The following PCBP3 variants were observed in gnomAD, a reference collection of about 807,000 sequenced individuals.
The protein encoded by PCBP3 is poly(rC)-binding protein 3.
A neutral mutation model predicts 52.7 loss-of-function variants in PCBP3; 25 were observed. The observed-to-expected ratio is 0.47, with a 90% CI of 0.35 to 0.66. PCBP3 has a LOEUF of 0.66. Ranked by LOEUF, PCBP3 falls within the 30% of genes least tolerant of loss-of-function variation. The probability of loss-of-function intolerance (pLI) is 0.01; values close to 1 mark genes in which losing one functional copy is unlikely to be tolerated. For synonymous variants in PCBP3, 162 were observed against 183.0 expected (o/e 0.89, Z 0.93); for missense variants, 391 against 490.3 (o/e 0.80, Z 1.91).
Position 45,741,344 on chromosome 21 carries a change from C to G in PCBP3, c.-162+5915C>G, listed in dbSNP as rs1025376667. On this transcript the variant is annotated intron_variant, in intron 3 of 17. Transcript: ENST00000681687. The surrounding 1 kb of genome is among the most constrained non-coding windows in gnomAD (Gnocchi z 4.5). ...GCAGAAACATTGTGCAAGAAGGGAGCTGCAGCATCAGGTGTGGGTACCAGG... is the reference window on the plus strand; with the variant it reads ...GCAGAAACATTGTGCAAGAAGGGAGGTGCAGCATCAGGTGTGGGTACCAGG... 6.6e-6 allele frequency among the ~76,000 whole-genome samples: 1 copy of G among 152,096 alleles called. No individual in the cohort carries two copies. The highest frequency in any genetic ancestry group is 1.5e-5 in the Non-Finnish European group (1 of 68,014).
intron 4 of PCBP3, among the ~76,000 whole-genome samples, chr21:45,759,371 T>G (rs749654599): frequency 1.3e-5 from 2 of 152,234 alleles, no homozygotes; most frequent in Non-Finnish European, 2.9e-5. Context: ...TTTTTCTGTG[T>G]GGATCTGAGT....
intron 5 of PCBP3, among the ~76,000 whole-genome samples, chr21:45,887,519 C>T (rs941766246): frequency 2.0e-5 from 3 of 152,224 alleles, no homozygotes; most frequent in Non-Finnish European, 4.4e-5. Context: ...CATCAGCAGA[C>T]ACCAGCTGCT....
chr21:45,873,299 T>C (rs1205953631), intron 5 of PCBP3: 1 of 152,224 alleles, frequency 6.6e-6, no homozygotes, highest in African/African-American at 2.4e-5. Flanking sequence ...CCCAGAAATA[T>C]TCTCTGCATA....
At chr21:45,651,939 G>A (rs1282131179) in intron 1 of PCBP3, among the ~76,000 whole-genome samples, 1 of 152,186 alleles carries the variant, frequency 6.6e-6, no homozygotes, top group African/African-American at 2.4e-5. Context: ...TGTTTGCAGA[G>A]TGGTTTTAAA....
chr21:45,765,831 T>G (rs1364596138), intron 4 of PCBP3, among the ~76,000 whole-genome samples: 2 of 152,242 alleles, frequency 1.3e-5, no homozygotes, highest in Non-Finnish European at 2.9e-5. Flanking sequence ...GAATAAGCAC[T>G]GGCGATGTGC....
chr21:45,865,285 G>A (rs1041886075), intron 5 of PCBP3, among the ~76,000 whole-genome samples: 1 of 152,210 alleles, frequency 6.6e-6, no homozygotes, highest in East Asian at 1.9e-4. Context: ...CCGCTGTAAT[G>A]AGCATGCCTG....
intron 5 of PCBP3, chr21:45,893,746 C>G: frequency 1.0e-6 from 1 of 985,428 alleles, no homozygotes; most frequent in Non-Finnish European, 1.2e-6. Flanking sequence ...CCTGGATGGA[C>G]CAGAGCTCTG....
At position 45,904,652 on chromosome 21, in the gene PCBP3, G is replaced by A. The variant is rs2096152590; in HGVS notation, c.339+3539G>A. On this transcript the variant is annotated intron_variant, in intron 9 of 17. Transcript: ENST00000681687. The surrounding 1 kb of genome is among the most constrained non-coding windows in gnomAD (Gnocchi z 4.8). Reference sequence around the variant, plus strand: ...TCAAGGAATTTTTTGGCAACTTTAAGGACCGTAGCTTTTAAACAAGGAAGT... The same window carrying A: ...TCAAGGAATTTTTTGGCAACTTTAAAGACCGTAGCTTTTAAACAAGGAAGT... Among the ~76,000 whole-genome samples the A allele has an allele frequency of 6.6e-6, 1 of 152,200 alleles. No homozygotes were observed. Among genetic ancestry groups the A allele is most frequent in the Non-Finnish European group, 1.5e-5 (1 of 68,032 alleles).
At chr21:45,652,521 A>G (rs1181660282) in intron 1 of PCBP3, among the ~76,000 whole-genome samples, 3 of 150,874 alleles carry the variant, frequency 2.0e-5, no homozygotes, top group Non-Finnish European at 4.4e-5. Flanking sequence ...GCTCACTGCA[A>G]CCTCCTCTTT....
chr21:45,787,308 G>T (rs1045154500), intron 4 of PCBP3, among the ~76,000 whole-genome samples: 2 of 152,078 alleles, frequency 1.3e-5, no homozygotes, highest in Admixed American at 1.3e-4. Flanking sequence ...GCAATGGCGT[G>T]ATCATAGCTC....
chr21:45,859,447 C>G (rs1269712351), intron 5 of PCBP3, among the ~76,000 whole-genome samples: 1 of 152,236 alleles, frequency 6.6e-6, no homozygotes, highest in Non-Finnish European at 1.5e-5. Flanking sequence ...TCCCCATTTA[C>G]TGCTTCAGAG....
Position 45,837,303 on chromosome 21 carries a change from G to C in PCBP3, c.-125-12658G>C, listed in dbSNP as rs77819716. On this transcript the variant is annotated intron_variant, in intron 4 of 17. Coordinates refer to ENST00000681687, the MANE Select transcript of PCBP3 (RefSeq NM_001384156.1). This position sits in a 1 kb window ranked among gnomAD's most constrained non-coding sequence, Gnocchi z 4.1. ...TTTGATGCACCTCCCGCCAGGGAGG[G>C]GATCGTGACCCTCCCTTTAATCTGG... Among the ~76,000 whole-genome samples, 1 of 152,312 alleles carries C rather than the reference G, an allele frequency of 6.6e-6. No homozygotes were observed. Among genetic ancestry groups the C allele is most frequent in the South Asian group, 2.1e-4 (1 of 4,816 alleles).
At chr21:45,727,675 G>A (rs182065753) in intron 2 of PCBP3, among the ~76,000 whole-genome samples, 119 of 152,322 alleles carry the variant, frequency 7.8e-4, no homozygotes, top group Non-Finnish European at 1.5e-3. Context: ...GGCCTTGGGT[G>A]ATTGGGGCAG....
chr21:45,939,249 G>A (rs2077196912), intron 16 of PCBP3, among the ~76,000 whole-genome samples: 1 of 152,232 alleles, frequency 6.6e-6, no homozygotes, highest in Non-Finnish European at 1.5e-5. Context: ...GTGCATGAAG[G>A]GACTCCGTTC....
At chr21:45,742,120 A>T (rs2086495138) in intron 3 of PCBP3, among the ~76,000 whole-genome samples, 1 of 151,776 alleles carries the variant, frequency 6.6e-6, no homozygotes, top group Non-Finnish European at 1.5e-5. Context: ...ATTTTTTCTG[A>T]TTTTCCACTA....
chr21:45,699,736 CT>C lies in PCBP3; in HGVS notation c.-200+30785del, dbSNP rs201892466. ...AAGAGAGCTTGTGCAGGGAAACTCC[CT>C]GTATAAAACCATCAGATCTTAAGAG... On this transcript the variant is annotated intron_variant, in intron 2 of 17. Coordinates refer to ENST00000681687, the MANE Select transcript of PCBP3 (RefSeq NM_001384156.1). Among the ~76,000 whole-genome samples the C allele has an allele frequency of 5.8e-3, 880 of 152,296 alleles. 9 individuals are homozygous for C. Among genetic ancestry groups the C allele is most frequent in the African/African-American group, 0.02 (849 of 41,558 alleles).
intron 4 of PCBP3, among the ~76,000 whole-genome samples, chr21:45,846,085 TC>T (rs1193095027): frequency 6.6e-6 from 1 of 152,158 alleles, no homozygotes; most frequent in Non-Finnish European, 1.5e-5. Flanking sequence ...GCTCTCAGGC[TC>T]CCCTGGGCGT....
rs2147293280 is a variant in PCBP3 at position 45,817,832 on chromosome 21, C to T, written c.-125-32129C>T. ...GTTTCCATTTTCAGTTGATGATATC[C>T]TTATGAACTCAGGATTTATTTCACT... On this transcript the variant is annotated intron_variant, in intron 4 of 17. Coordinates refer to ENST00000681687, the MANE Select transcript of PCBP3 (RefSeq NM_001384156.1). The surrounding 1 kb of genome is among the most constrained non-coding windows in gnomAD (Gnocchi z 4.3). Among the ~76,000 whole-genome samples the T allele has an allele frequency of 6.6e-6, 1 of 152,262 alleles. No homozygotes were observed. The highest frequency in any genetic ancestry group is 3.4e-3 in the Middle Eastern group (1 of 294).
At chr21:45,685,910 A>G (rs915161418) in intron 2 of PCBP3, among the ~76,000 whole-genome samples, 6 of 149,664 alleles carry the variant, frequency 4.0e-5, no homozygotes, top group African/African-American at 1.5e-4. Context: ...AGCCTGTAAG[A>G]TGAACTTTTT....
Sources: gnomAD v4.1 joint callset for allele counts (sites outside exome capture counted in the v4.1 genomes callset) on GRCh38, gnomAD v4.1.1 for gene constraint, Gnocchi (gnomAD v3.1) non-coding constraint, MANE v1.5 for transcripts, NCBI Gene and HGNC (gene_info 2026-07-23, HGNC 2026-07-21) for gene names.